The following MARCHF3 variants were observed in gnomAD, a reference collection of about 807,000 sequenced individuals.
MARCHF3 encodes E3 ubiquitin-protein ligase MARCHF3.
A neutral mutation model predicts 24.2 loss-of-function variants in MARCHF3; 13 were observed. The observed-to-expected ratio is 0.54, with a 90% CI of 0.35 to 0.85. MARCHF3 has a LOEUF of 0.85. Among genes scored for constraint, MARCHF3 ranks in the 40% least tolerant of loss-of-function variants. The pLI is 0.01. For synonymous variants in MARCHF3, 144 were observed against 137.3 expected (o/e 1.05, Z -0.34); for missense variants, 276 against 325.0 (o/e 0.85, Z 1.16).
chr5:126,943,565 A>G (rs1272037427), intron 1 of MARCHF3, among the ~76,000 whole-genome samples: 1 of 151,596 alleles, frequency 6.6e-6, no homozygotes, highest in Non-Finnish European at 1.5e-5. Flanking sequence ...CCTGGGTGAC[A>G]GAAAAAGATC....
chr5:126,918,258 G>A, intron 1 of MARCHF3, 31 bp from the exon 2 acceptor site: 3 of 1,391,904 alleles, frequency 2.2e-6, no homozygotes, highest in Non-Finnish European at 1.9e-6. Flanking sequence ...GTTTACTTGG[G>A]CAGGGTGGCT....
chr5:126,936,798 G>A (rs1166178716), intron 1 of MARCHF3, among the ~76,000 whole-genome samples: 1 of 152,050 alleles, frequency 6.6e-6, no homozygotes, highest in Non-Finnish European at 1.5e-5. Context: ...ACATGCCCTC[G>A]CCATAAATAA....
chr5:126,938,354 G>C (rs1749715473), intron 1 of MARCHF3, among the ~76,000 whole-genome samples: 1 of 151,636 alleles, frequency 6.6e-6, no homozygotes, highest in African/African-American at 2.4e-5. Context: ...TTTCAGTAGA[G>C]ACAGAGTTTC....
intron 1 of MARCHF3, among the ~76,000 whole-genome samples, chr5:126,939,312 G>C (rs868775330): frequency 6.6e-6 from 1 of 152,158 alleles, no homozygotes; most frequent in Non-Finnish European, 1.5e-5. Context: ...TGAAAGGAAA[G>C]GTTCCCTAAA....
intron 1 of MARCHF3, among the ~76,000 whole-genome samples, chr5:126,965,492 T>A (rs1750775913): frequency 6.6e-6 from 1 of 152,236 alleles, no homozygotes; most frequent in South Asian, 2.1e-4. Context: ...AAATAAATGC[T>A]GCTTTAGAGA....
chr5:127,007,577 A>C (rs1222011755), intron 1 of MARCHF3, among the ~76,000 whole-genome samples: 2 of 152,096 alleles, frequency 1.3e-5, no homozygotes. Context: ...CTATATTTCA[A>C]TTAGTTATCT....
intron 3 of MARCHF3, among the ~76,000 whole-genome samples, chr5:126,895,342 G>A (rs570576624): frequency 1.8e-4 from 27 of 152,212 alleles, no homozygotes; most frequent in Admixed American, 4.6e-4. Context: ...GCTTTGTTCC[G>A]TTGCTGGTGA....
chr5:126,870,627 CA>C lies in MARCHF3; in HGVS notation c.*5del. ...TGAATCAAACAACCAACCAACCATA[CA>C]AACATCAAACAACTGTCTCCTTTGA... On this transcript the variant is annotated 3_prime_UTR_variant, in exon 5 of 5. Coordinates refer to ENST00000308660, the MANE Select transcript of MARCHF3 (RefSeq NM_178450.5). 6.2e-7 allele frequency: 1 copy of C among 1,613,888 alleles called. No homozygotes were observed. Among genetic ancestry groups the C allele is most frequent in the Non-Finnish European group, 8.5e-7 (1 of 1,179,854 alleles).
chr5:126,938,254 G>A (rs529812580), intron 1 of MARCHF3, among the ~76,000 whole-genome samples: 8 of 139,952 alleles, frequency 5.7e-5, no homozygotes, highest in African/African-American at 2.2e-4. Context: ...TGCAATCTCT[G>A]CCTCCCAGGT....
chr5:126,958,697 C>A (rs1412129246), intron 1 of MARCHF3, among the ~76,000 whole-genome samples: 2 of 151,926 alleles, frequency 1.3e-5, no homozygotes, highest in Non-Finnish European at 2.9e-5. Context: ...TTTAAAAATG[C>A]CACTTGTTTA....
chr5:126,959,112 C>T (rs1750549719), intron 1 of MARCHF3, among the ~76,000 whole-genome samples: 1 of 152,088 alleles, frequency 6.6e-6, no homozygotes, highest in Non-Finnish European at 1.5e-5. Context: ...TAGGCCATCT[C>T]TTCCAAAGGC....
chr5:127,013,837 A>G (rs1752547495), intron 1 of MARCHF3, among the ~76,000 whole-genome samples: 1 of 152,140 alleles, frequency 6.6e-6, no homozygotes, highest in Admixed American at 6.5e-5. Flanking sequence ...GCTAAAAGCA[A>G]TGGATATCCA....
At chr5:126,944,180 C>G (rs1053308400) in intron 1 of MARCHF3, among the ~76,000 whole-genome samples, 1 of 152,168 alleles carries the variant, frequency 6.6e-6, no homozygotes, top group African/African-American at 2.4e-5. Context: ...TGTAACAGCT[C>G]TGTCACTCAC....
At chr5:126,963,635 G>T (rs1333015824) in intron 1 of MARCHF3, among the ~76,000 whole-genome samples, 1 of 152,126 alleles carries the variant, frequency 6.6e-6, no homozygotes, top group Admixed American at 6.5e-5. Flanking sequence ...TTTAGAAATA[G>T]AAGCTGACAA....
chr5:126,957,828 T>C (rs1750500080), intron 1 of MARCHF3, among the ~76,000 whole-genome samples: 1 of 152,168 alleles, frequency 6.6e-6, no homozygotes, highest in African/African-American at 2.4e-5. Context: ...CTAAAATTGT[T>C]ACCTTGTTAA....
chr5:126,993,300 T>C (rs910159798), intron 1 of MARCHF3, among the ~76,000 whole-genome samples: 16 of 152,196 alleles, frequency 1.1e-4, no homozygotes, highest in Admixed American at 2.0e-4. Context: ...CCATATGAAA[T>C]GTAGATGATA....
intron 1 of MARCHF3, among the ~76,000 whole-genome samples, chr5:126,936,841 G>A (rs917883564): frequency 1.3e-5 from 2 of 152,114 alleles, no homozygotes; most frequent in South Asian, 4.1e-4. Context: ...CCTTTATTCC[G>A]TAGGTGCAGA....
At chr5:126,943,906 G>T (rs1316959865) in intron 1 of MARCHF3, among the ~76,000 whole-genome samples, 1 of 151,950 alleles carries the variant, frequency 6.6e-6, no homozygotes, top group African/African-American at 2.4e-5. Context: ...CTGCTTCCCG[G>T]GTTCAAGCAA....
chr5:126,903,959 C>G (rs1373767468), intron 3 of MARCHF3, among the ~76,000 whole-genome samples: 1 of 113,174 alleles, frequency 8.8e-6, no homozygotes, highest in Non-Finnish European at 1.8e-5. Flanking sequence ...GCTATCCCTC[C>G]CCCCTCCCCC....
Sources: allele counts gnomAD v4.1 joint callset (sites outside exome capture counted in the v4.1 genomes callset), GRCh38; gene constraint gnomAD v4.1.1; transcripts MANE v1.5; gene names NCBI Gene and HGNC (gene_info 2026-07-23, HGNC 2026-07-21).